Variants in TM6SF1 observed in about 807,000 individuals in gnomAD.
TM6SF1 encodes the protein transmembrane 6 superfamily member 1.
A neutral mutation model predicts 47.1 loss-of-function variants in TM6SF1; 43 were observed. The observed-to-expected ratio is 0.91, with a 90% CI of 0.72 to 1.18. The LOEUF (loss-of-function observed/expected upper bound fraction) is 1.18, where lower values mean the gene tolerates loss of function less well. Among genes scored for constraint, TM6SF1 ranks in the 50% most tolerant of loss-of-function variants. The pLI is 0.00. For missense variants in TM6SF1, 390 were observed against 449.0 expected (o/e 0.87, Z 1.19); for synonymous variants, 177 against 166.3 (o/e 1.06, Z -0.49).
chr15:83,122,329 A>G (rs2035337101), intron 5 of TM6SF1, among the ~76,000 whole-genome samples: 1 of 152,114 alleles, frequency 6.6e-6, no homozygotes, highest in East Asian at 1.9e-4. Flanking sequence ...CACTATGAGA[A>G]CTCCAAAAAT....
intron 4 of TM6SF1, among the ~76,000 whole-genome samples, 186 bp from the exon 5 acceptor site, chr15:83,121,735 T>C (rs1596496070): frequency 1.3e-5 from 2 of 152,254 alleles, no homozygotes; most frequent in African/African-American, 4.8e-5. Context: ...GGTTCTATAG[T>C]ATATCACATG....
At chr15:83,119,367 T>C (rs1201645019) in intron 3 of TM6SF1, among the ~76,000 whole-genome samples, 1 of 152,236 alleles carries the variant, frequency 6.6e-6, no homozygotes, top group African/African-American at 2.4e-5. Context: ...CCAGGCATTC[T>C]CTAATTCCAT....
Position 83,107,859 on chromosome 15 carries a change from G to T in TM6SF1, c.92+87G>T. On this transcript the variant is annotated intron_variant, in intron 1 of 9. Coordinates refer to ENST00000322019, the MANE Select transcript of TM6SF1 (RefSeq NM_023003.5). The surrounding 1 kb of genome is among the most constrained non-coding windows in gnomAD (Gnocchi z 5.6). ...GGGAGCCTCGCAACTTTTCCGAGGG[G>T]GCTGGGACCGTCCGCCGCGGGACAG... The T allele has an allele frequency of 1.4e-6, 2 of 1,432,968 alleles. No homozygotes were observed. The highest frequency in any genetic ancestry group is 3.0e-5 in the East Asian group (1 of 32,878). 88.8% of individuals were successfully genotyped at this position (1,432,968 alleles called of 1,614,324 possible).
chr15:83,114,868 C>T (rs2034514722), intron 2 of TM6SF1: 1 of 152,192 alleles, frequency 6.6e-6, no homozygotes, highest in African/African-American at 2.4e-5. Context: ...TAGTTTTAAG[C>T]CCATTTAGGA....
In TM6SF1 at chr15:83,107,792, G is replaced by A; in HGVS notation, c.92+20G>A. On this transcript the variant is annotated intron_variant, in intron 1 of 9. Transcript: ENST00000322019. This position sits in a 1 kb window ranked among gnomAD's most constrained non-coding sequence, Gnocchi z 5.6. ...GCATGAGTGAGTGAGCCGGCGCGGC[G>A]GGGGTCGCGCCGAGGGGCGGCGGGA... The A allele has an allele frequency of 6.4e-7, 1 of 1,569,666 alleles. No individual in the cohort carries two copies. Among genetic ancestry groups the A allele is most frequent in the Non-Finnish European group, 8.6e-7 (1 of 1,159,488 alleles).
At chr15:83,118,567 AT>A (rs1307221097) in intron 3 of TM6SF1, among the ~76,000 whole-genome samples, 1 of 152,168 alleles carries the variant, frequency 6.6e-6, no homozygotes, top group Non-Finnish European at 1.5e-5. Flanking sequence ...TCTGATTTTA[AT>A]TTGATTTGAT....
chr15:83,135,957 C>T (rs985284086), intron 9 of TM6SF1: 1 of 152,124 alleles, frequency 6.6e-6, no homozygotes, highest in Non-Finnish European at 1.5e-5. Flanking sequence ...GCTCTTGCTG[C>T]AAGGAGTAGA....
At chr15:83,130,565 G>C (rs1199392336) in intron 9 of TM6SF1, 1 of 152,266 alleles carries the variant, frequency 6.6e-6, no homozygotes, top group African/African-American at 2.4e-5. Flanking sequence ...CAGCCCAGCA[G>C]GTGAAGACAG....
chr15:83,119,417 A>G (rs921942713), intron 3 of TM6SF1, among the ~76,000 whole-genome samples, 161 bp from the exon 4 acceptor site: 1 of 152,202 alleles, frequency 6.6e-6, no homozygotes, highest in Non-Finnish European at 1.5e-5. Flanking sequence ...CTCCAGCGTA[A>G]AGTTGTATTT....
At chr15:83,123,724 A>G (rs564821288) in intron 6 of TM6SF1, among the ~76,000 whole-genome samples, 2 of 152,360 alleles carry the variant, frequency 1.3e-5, no homozygotes, top group Admixed American at 6.5e-5. Flanking sequence ...TGTTAAAAAG[A>G]AAAAGCAAAT....
At chr15:83,125,020 G>A (rs1376619146) in intron 7 of TM6SF1, among the ~76,000 whole-genome samples, 1 of 152,050 alleles carries the variant, frequency 6.6e-6, no homozygotes, top group Non-Finnish European at 1.5e-5. Flanking sequence ...CCCCGTTTTA[G>A]GGCATCTAAA....
intron 1 of TM6SF1, among the ~76,000 whole-genome samples, chr15:83,111,059 A>G (rs2034108041): frequency 1.3e-5 from 2 of 152,096 alleles, no homozygotes; most frequent in African/African-American, 4.8e-5. Flanking sequence ...TTTAGTAGAG[A>G]CGGGGTTTCA....
In TM6SF1 at chr15:83,127,465, A is replaced by T. The variant is rs1457053019; in HGVS notation, c.909A>T (p.Gly303=). The change falls in exon 9 of 10, where the codon GGA becomes GGT. Residue 303 remains glycine (G), a synonymous_variant. Transcript: ENST00000322019. ...WMPDITLIHA[G]GLAQAQFSHI... is the part of the protein sequence containing the mutation. ...CTGACATCACATTGATACATGCTGGAGGTCTGGCTCAGGTACTAAGAATAT... is the reference window on the plus strand; with the variant it reads ...CTGACATCACATTGATACATGCTGGTGGTCTGGCTCAGGTACTAAGAATAT... 5 of 1,613,418 alleles carry T rather than the reference A, an allele frequency of 3.1e-6. No individual in the cohort carries two copies. In the Admixed American group the frequency reaches 8.3e-5, roughly 27 times the overall value.
At chr15:83,117,867 A>C (rs530075292) in intron 3 of TM6SF1, among the ~76,000 whole-genome samples, 32 of 152,228 alleles carry the variant, frequency 2.1e-4, no homozygotes, top group African/African-American at 7.5e-4. Flanking sequence ...AAAGGTAGGG[A>C]GACCATTTGG....
chr15:83,126,265 T>C (rs1354031156), intron 7 of TM6SF1, among the ~76,000 whole-genome samples: 1 of 152,132 alleles, frequency 6.6e-6, no homozygotes, highest in African/African-American at 2.4e-5. Context: ...CCAAAAAGAC[T>C]TTCCAGCAAG....
chr15:83,133,252 T>C (rs2036378784), intron 9 of TM6SF1: 1 of 152,246 alleles, frequency 6.6e-6, no homozygotes, highest in Non-Finnish European at 1.5e-5. Flanking sequence ...TAGCTATTTA[T>C]ACTGTATTAG....
chr15:83,116,708 G>C (rs2034694082), intron 3 of TM6SF1, among the ~76,000 whole-genome samples: 2 of 152,180 alleles, frequency 1.3e-5, no homozygotes, highest in Admixed American at 6.5e-5. Context: ...GGACCAGCAG[G>C]GGCATAAACG....
Position 83,112,863 on chromosome 15 carries a change from C to T in TM6SF1, c.159C>T (p.Leu53=), listed in dbSNP as rs3803384. 511 of 1,614,114 alleles carry T rather than the reference C, an allele frequency of 3.2e-4. 1 individual carries two copies. In the East Asian group the frequency reaches 3.7e-3, roughly 12 times the overall value. The change falls in exon 2 of 10, where the codon CTC becomes CTT. Residue 53 remains leucine (L), a synonymous_variant. Coordinates refer to ENST00000322019, the MANE Select transcript of TM6SF1 (RefSeq NM_023003.5). ...LFLVALLARV[L]VKRKPPRDPL... Reference sequence around the variant, plus strand: ...TGGTAGCACTGCTGGCTCGTGTCCTCGTCAAAAGAAAACCACCCCGGGACC... The same window carrying T: ...TGGTAGCACTGCTGGCTCGTGTCCTTGTCAAAAGAAAACCACCCCGGGACC...
chr15:83,117,988 G>A (rs2034833300), intron 3 of TM6SF1, among the ~76,000 whole-genome samples: 1 of 152,192 alleles, frequency 6.6e-6, no homozygotes, highest in African/African-American at 2.4e-5. Flanking sequence ...GATTTGCTGA[G>A]AGACTGCATA....
Sources: allele counts gnomAD v4.1 joint callset (sites outside exome capture counted in the v4.1 genomes callset), GRCh38; gene constraint gnomAD v4.1.1; non-coding constraint Gnocchi (gnomAD v3.1); transcripts MANE v1.5; gene names NCBI Gene and HGNC (gene_info 2026-07-23, HGNC 2026-07-21).